Variants in AIG1 observed in about 807,000 individuals in gnomAD.
The protein encoded by AIG1 is androgen induced 1, also known as androgen-induced gene 1 protein.
Under a neutral mutation model 31.4 loss-of-function variants are expected in AIG1, and 23 were observed. The observed-to-expected ratio is 0.73, with a 90% CI of 0.53 to 1.04. The LOEUF is 1.04. AIG1 is among the 50% of genes least tolerant of loss of function. The probability of loss-of-function intolerance (pLI) is 0.00; values close to 1 mark genes in which losing one functional copy is unlikely to be tolerated. For missense variants in AIG1, 274 were observed against 295.0 expected (o/e 0.93, Z 0.52); for synonymous variants, 100 against 110.5 (o/e 0.90, Z 0.60).
chr6:143,161,286 G>A lies in AIG1; in HGVS notation c.298-3796G>A, dbSNP rs1346718651. On this transcript the variant is annotated intron_variant, in intron 2 of 5. Transcript: ENST00000357847. ...ATTGCAAGTCCAGATGGCTTTACTA[G>A]GGAAGTATATCAATTGCATAAGGAA... 2.6e-5 allele frequency among the ~76,000 whole-genome samples: 4 copies of A among 152,096 alleles called. No homozygotes were observed. The East Asian group carries it at 7.7e-4, about 29-fold the overall frequency.
At chr6:143,269,605 A>G (rs1246322887) in intron 3 of AIG1, among the ~76,000 whole-genome samples, 3 of 152,240 alleles carry the variant, frequency 2.0e-5, no homozygotes, top group African/African-American at 4.8e-5. Flanking sequence ...TAAATACATC[A>G]TATTATAGTC....
At chr6:143,287,009 T>G (rs1011413197) in intron 4 of AIG1, among the ~76,000 whole-genome samples, 1 of 151,488 alleles carries the variant, frequency 6.6e-6, no homozygotes, top group Non-Finnish European at 1.5e-5. Context: ...GCCATCCCGG[T>G]CTCCTTCCGT....
intron 3 of AIG1, chr6:143,188,225 AG>A: frequency 3.0e-6 from 3 of 989,806 alleles, no homozygotes; most frequent in Non-Finnish European, 3.6e-6. Flanking sequence ...ACTCTAGGAG[AG>A]GGGCGTTTCT....
intron 4 of AIG1, among the ~76,000 whole-genome samples, chr6:143,302,450 C>T (rs1798897267): frequency 6.6e-6 from 1 of 151,732 alleles, no homozygotes; most frequent in African/African-American, 2.4e-5. Flanking sequence ...GTTCAATTCC[C>T]ACCTATGAGT....
intron 3 of AIG1, among the ~76,000 whole-genome samples, chr6:143,228,718 G>T (rs913646044): frequency 6.6e-6 from 1 of 152,246 alleles, no homozygotes; most frequent in Non-Finnish European, 1.5e-5. Context: ...TGTCACAAAA[G>T]TGATGAATTG....
intron 1 of AIG1, among the ~76,000 whole-genome samples, chr6:143,095,817 T>A (rs1031247349): frequency 6.6e-6 from 1 of 151,140 alleles, no homozygotes; most frequent in African/African-American, 2.4e-5. Flanking sequence ...GTAGAAATGA[T>A]ATAAAACTAA....
chr6:143,239,665 A>T (rs1239058470), intron 3 of AIG1, among the ~76,000 whole-genome samples: 2 of 152,158 alleles, frequency 1.3e-5, no homozygotes, highest in South Asian at 2.1e-4. Flanking sequence ...ACATTAAGAC[A>T]TGTGTTATTG....
rs74656376 is a variant in AIG1 at position 143,336,009 on chromosome 6, G to C, written c.679+2564G>C. On this transcript the variant is annotated intron_variant, in intron 5 of 5. Transcript: ENST00000357847. Reference sequence around the variant, plus strand: ...TGAGTATCAGTTATCCACTTTAGATGACTAACTTTCCCTCGTTCTCACCTG... The same window carrying C: ...TGAGTATCAGTTATCCACTTTAGATCACTAACTTTCCCTCGTTCTCACCTG... Among the ~76,000 whole-genome samples the C allele has an allele frequency of 1.8e-3, 279 of 151,296 alleles. 1 individual carries two copies. Among genetic ancestry groups the C allele is most frequent in the African/African-American group, 6.6e-3 (274 of 41,256 alleles).
intron 1 of AIG1, among the ~76,000 whole-genome samples, chr6:143,117,567 C>T (rs1015489203): frequency 2.0e-5 from 3 of 152,140 alleles, no homozygotes. Context: ...TCAAGGAGTT[C>T]AGATTTGCAC....
chr6:143,343,360 C>G (rs1051848290), downstream of AIG1: 3 of 580,990 alleles, frequency 5.2e-6, no homozygotes, highest in Admixed American at 5.7e-5. Context: ...AATGCCCCCC[C>G]AAACAAGAGG....
At chr6:143,255,338 G>T (rs1357550328) in intron 3 of AIG1, among the ~76,000 whole-genome samples, 1 of 152,172 alleles carries the variant, frequency 6.6e-6, no homozygotes, top group African/African-American at 2.4e-5. Flanking sequence ...GTATCTGGAG[G>T]CTGGAAGCCC....
rs1797140675 is a variant in AIG1, at chr6:143,278,790, G to T, written c.400-5320G>T. On this transcript the variant is annotated intron_variant, in intron 3 of 5. Transcript: ENST00000357847. ...AGCTTCATGCCAGTATATCTTTAGTGCCCCTCTATACTTACTAATGTCCTT... is the reference window on the plus strand; with the variant it reads ...AGCTTCATGCCAGTATATCTTTAGTTCCCCTCTATACTTACTAATGTCCTT... Among the ~76,000 whole-genome samples, 3 of 152,196 alleles carry T rather than the reference G, an allele frequency of 2.0e-5. No individual in the cohort carries two copies. In the South Asian group the frequency reaches 6.2e-4, roughly 32 times the overall value.
At chr6:143,207,383 TCTGTTAATGTCATTG>T (rs1473441342) in intron 3 of AIG1, among the ~76,000 whole-genome samples, 1 of 152,178 alleles carries the variant, frequency 6.6e-6, no homozygotes, top group African/African-American at 2.4e-5. Flanking sequence ...CACTGTTATT[TCTGTTAATGTCATTG>T]CTTCCATAGC....
rs1365150581 is a variant in AIG1, at chr6:143,256,047, T to C, written c.400-28063T>C. On this transcript the variant is annotated intron_variant, in intron 3 of 5. Transcript: ENST00000357847. This position sits in a 1 kb window ranked among gnomAD's most constrained non-coding sequence, Gnocchi z 4.6. ...CAGTTTTGGAGTCTTCCTTTACAAATGGTGGCTTAGGTGCTTGAGCAAATA... is the reference window on the plus strand; with the variant it reads ...CAGTTTTGGAGTCTTCCTTTACAAACGGTGGCTTAGGTGCTTGAGCAAATA... Among the ~76,000 whole-genome samples, 1 of 152,204 alleles carries C rather than the reference T, an allele frequency of 6.6e-6. No individual in the cohort carries two copies. The highest frequency in any genetic ancestry group is 6.5e-5 in the Admixed American group (1 of 15,284).
rs1279867601 is a variant in AIG1 at position 143,340,284 on chromosome 6, T to C, written c.*608T>C. 6.6e-6 allele frequency: 1 copy of C among 152,236 alleles called. No homozygotes were observed. The highest frequency in any genetic ancestry group is 1.5e-5 in the Non-Finnish European group (1 of 68,046). 9.4% of individuals were successfully genotyped at this position (152,236 alleles called of 1,614,324 possible). On this transcript the variant is annotated 3_prime_UTR_variant, in exon 6 of 6. Transcript: ENST00000357847. The stretch of plus-strand genomic sequence containing the variant: ...TTTCCTAGATGCAAATGCTGACTAA[T>C]AAAGACAAAGCCACCCTGAACCTGA...
intron 1 of AIG1, among the ~76,000 whole-genome samples, chr6:143,118,526 A>T (rs1156289882): frequency 6.6e-6 from 1 of 151,082 alleles, no homozygotes; most frequent in Admixed American, 6.6e-5. Flanking sequence ...CATTAAGGTA[A>T]AAAAAAATAC....
At chr6:143,162,055 A>G (rs1349977342) in intron 2 of AIG1, among the ~76,000 whole-genome samples, 1 of 152,256 alleles carries the variant, frequency 6.6e-6, no homozygotes, top group Non-Finnish European at 1.5e-5. Flanking sequence ...TAAAATAGCT[A>G]CTAGAACTAC....
In AIG1 at chr6:143,268,275, C is replaced by T. The variant is rs1286465570; in HGVS notation, c.400-15835C>T. Among the ~76,000 whole-genome samples, 2 of 152,136 alleles carry T rather than the reference C, an allele frequency of 1.3e-5. No individual in the cohort carries two copies. The highest frequency in any genetic ancestry group is 1.9e-4 in the East Asian group (1 of 5,198). ...ATGTTTCTTCCTCCAGCCCCCTTCC[C>T]CGTTGCTCTGCCTCATGAGGGAATT... On this transcript the variant is annotated intron_variant, in intron 3 of 5. Transcript: ENST00000357847. The surrounding 1 kb of genome is among the most constrained non-coding windows in gnomAD (Gnocchi z 5.0).
chr6:143,326,996 A>G lies in AIG1; in HGVS notation c.516-6286A>G, dbSNP rs1423022059. Among the ~76,000 whole-genome samples, 1 of 152,176 alleles carries G rather than the reference A, an allele frequency of 6.6e-6. No individual in the cohort carries two copies. The highest frequency in any genetic ancestry group is 1.5e-5 in the Non-Finnish European group (1 of 68,020). The stretch of plus-strand genomic sequence containing the variant: ...AAAAAATCAGTGGGAGGCCTTTGAC[A>G]TGTTGAAAGCAGGGATATGGTGTGT... On this transcript the variant is annotated intron_variant, in intron 4 of 5. Transcript: ENST00000357847. This position sits in a 1 kb window ranked among gnomAD's most constrained non-coding sequence, Gnocchi z 4.5.
Sources: allele counts gnomAD v4.1 joint callset (sites outside exome capture counted in the v4.1 genomes callset), GRCh38; gene constraint gnomAD v4.1.1; non-coding constraint Gnocchi (gnomAD v3.1); transcripts MANE v1.5; gene names NCBI Gene and HGNC (gene_info 2026-07-23, HGNC 2026-07-21).